Variants in NARS2 observed in about 807,000 individuals in gnomAD.
The protein encoded by NARS2 is asparaginyl-tRNA synthetase 2, mitochondrial.
In NARS2, 60 loss-of-function variants were observed where a neutral mutation model predicts 62.9. That is an observed-to-expected ratio of 0.95 (90% CI 0.77 to 1.18). The LOEUF is 1.18. Ranked by LOEUF, NARS2 falls within the 50% of genes most tolerant of loss-of-function variation. NARS2 has a pLI of 0.00. For missense variants in NARS2, 619 were observed against 576.4 expected (o/e 1.07, Z -0.76); for synonymous variants, 196 against 200.0 (o/e 0.98, Z 0.17).
At chr11:78,560,405 G>A (rs929871827) in intron 4 of NARS2, among the ~76,000 whole-genome samples, 1 of 152,198 alleles carries the variant, frequency 6.6e-6, no homozygotes, top group African/African-American at 2.4e-5. Flanking sequence ...TCAAGGTTAT[G>A]CTTCTTTCAT....
At chr11:78,549,309 G>A (rs1230664454) in intron 5 of NARS2, among the ~76,000 whole-genome samples, 1 of 152,242 alleles carries the variant, frequency 6.6e-6, no homozygotes, top group African/African-American at 2.4e-5. Flanking sequence ...GTCTTGTAGT[G>A]AGAATGATCC....
At chr11:78,437,954 GAC>G (rs1343950989) in intron 13 of NARS2, among the ~76,000 whole-genome samples, 1 of 115,634 alleles carries the variant, frequency 8.6e-6, no homozygotes, top group African/African-American at 3.5e-5. Context: ...CAGCCTGGGT[GAC>G]AGAGTGAGAT....
chr11:78,470,271 T>C (rs1347287720), intron 9 of NARS2, among the ~76,000 whole-genome samples: 2 of 152,188 alleles, frequency 1.3e-5, no homozygotes, highest in Non-Finnish European at 2.9e-5. Context: ...CAAGTATTTG[T>C]TTTAATTTAA....
At chr11:78,491,446 C>T (rs955204099) in intron 7 of NARS2, among the ~76,000 whole-genome samples, 3 of 152,244 alleles carry the variant, frequency 2.0e-5, no homozygotes, top group African/African-American at 7.2e-5. Context: ...TTACTAACTG[C>T]TGATGGTTTA....
Position 78,571,081 on chromosome 11 carries a change from G to A in NARS2, c.251+254C>T, listed in dbSNP as rs112900958. Among the ~76,000 whole-genome samples, 5,899 of 152,192 alleles carry A rather than the reference G, an allele frequency of 0.039. 389 individuals are homozygous for A. The highest frequency in any genetic ancestry group is 0.13 in the African/African-American group (5,591 of 41,510). On this transcript the variant is annotated intron_variant, in intron 2 of 13. Transcript: ENST00000281038. ...AAGAGCAGAACAGCTTAAGGGAGCC[G>A]CAGGTAATTAAGAAAGACTGAAGTG...
At chr11:78,531,133 G>GA (rs1861463463) in intron 5 of NARS2, among the ~76,000 whole-genome samples, 1 of 151,308 alleles carries the variant, frequency 6.6e-6, no homozygotes, top group Non-Finnish European at 1.5e-5. Context: ...AAAAATAAAA[G>GA]AAAAAAAATG....
Position 78,531,344 on chromosome 11 carries a change from A to G in NARS2, c.595-2408T>C, listed in dbSNP as rs988107388. Among the ~76,000 whole-genome samples the G allele has an allele frequency of 6.6e-5, 10 of 152,300 alleles. 1 individual carries two copies. In the East Asian group the frequency reaches 1.9e-3, roughly 29 times the overall value. ...TAATAGGCCATAAAACAGTCTCAAT[A>G]AATCTTAAAAAACTAAAATCACACA... On this transcript the variant is annotated intron_variant, in intron 5 of 13. Coordinates refer to ENST00000281038, the MANE Select transcript of NARS2 (RefSeq NM_024678.6).
At chr11:78,513,434 C>G (rs1332143765) in intron 6 of NARS2, among the ~76,000 whole-genome samples, 4 of 151,308 alleles carry the variant, frequency 2.6e-5, no homozygotes, top group Admixed American at 1.3e-4. Flanking sequence ...CCATCTTATT[C>G]TCTATCTCCA....
intron 11 of NARS2, among the ~76,000 whole-genome samples, chr11:78,447,493 G>A (rs932859510): frequency 4.6e-5 from 7 of 152,082 alleles, no homozygotes; most frequent in African/African-American, 1.7e-4. Flanking sequence ...TCCCACTTCT[G>A]GGTATATATA....
chr11:78,485,591 T>A (rs1163257532), intron 7 of NARS2, among the ~76,000 whole-genome samples: 1 of 152,192 alleles, frequency 6.6e-6, no homozygotes, highest in African/African-American at 2.4e-5. Context: ...TTGATCTGTT[T>A]AGTAGGCATA....
intron 6 of NARS2, among the ~76,000 whole-genome samples, chr11:78,512,972 G>A (rs764836999): frequency 3.9e-5 from 6 of 152,106 alleles, no homozygotes; most frequent in South Asian, 2.1e-4. Flanking sequence ...CAATTAGGCC[G>A]AGCACAGTGG....
chr11:78,513,835 G>A (rs924666784), intron 6 of NARS2, among the ~76,000 whole-genome samples: 1 of 152,098 alleles, frequency 6.6e-6, no homozygotes, highest in African/African-American at 2.4e-5. Context: ...GCTGGAGGTG[G>A]GGCCTTGTGG....
rs764254167 is a variant in NARS2, at chr11:78,468,310, G to GAAA, written c.1026+934_1026+936dup. Among the ~76,000 whole-genome samples, 51 of 67,428 alleles carry GAAA rather than the reference G, an allele frequency of 7.6e-4. 1 individual carries two copies. Among genetic ancestry groups the GAAA allele is most frequent in the African/African-American group, 2.5e-3 (42 of 17,066 alleles). 44.2% of individuals were successfully genotyped at this position (67,428 alleles called of 152,430 possible). A position where few individuals can be genotyped will look rare whatever the true frequency, so the allele number is the denominator to read the frequency against. On this transcript the variant is annotated intron_variant, in intron 10 of 13. Coordinates refer to ENST00000281038, the MANE Select transcript of NARS2 (RefSeq NM_024678.6). ...ACCTGCTTCTGCAAGCACTAAATCT[G>GAAA]AAAAAAAAAAAAAAAAAAGAAAAAA...
At chr11:78,481,224 A>C (rs1455929244) in intron 7 of NARS2, among the ~76,000 whole-genome samples, 2 of 152,204 alleles carry the variant, frequency 1.3e-5, no homozygotes, top group East Asian at 1.9e-4. Context: ...AAAATAAAGA[A>C]AACCACATGA....
chr11:78,552,304 G>A (rs1041986823), intron 5 of NARS2, among the ~76,000 whole-genome samples: 9 of 152,118 alleles, frequency 5.9e-5, no homozygotes, highest in African/African-American at 1.4e-4. Context: ...TTCCATCCAC[G>A]TTCCCCCAAG....
intron 4 of NARS2, among the ~76,000 whole-genome samples, chr11:78,565,220 C>T (rs1856704124): frequency 6.6e-6 from 1 of 152,124 alleles, no homozygotes; most frequent in Admixed American, 6.6e-5. Context: ...TGTCCTTAGT[C>T]ATTAGATAGA....
chr11:78,540,561 T>C (rs1855572017), intron 5 of NARS2, among the ~76,000 whole-genome samples: 1 of 152,242 alleles, frequency 6.6e-6, no homozygotes, highest in Non-Finnish European at 1.5e-5. Context: ...TTCTACTTTG[T>C]ACCCTACCCC....
chr11:78,555,842 C>A (rs1362662395), intron 5 of NARS2, among the ~76,000 whole-genome samples: 1 of 152,176 alleles, frequency 6.6e-6, no homozygotes, highest in African/African-American at 2.4e-5. Context: ...CCTCTGAACA[C>A]TGCCTTACTT....
At chr11:78,500,747 CCAA>C (rs1224503854) in intron 6 of NARS2, among the ~76,000 whole-genome samples, 1 of 152,184 alleles carries the variant, frequency 6.6e-6, no homozygotes, top group African/African-American at 2.4e-5. Flanking sequence ...GTTGTATCTA[CCAA>C]CGTTTACTAC....
Sources: gnomAD v4.1 joint callset for allele counts (sites outside exome capture counted in the v4.1 genomes callset) on GRCh38, gnomAD v4.1.1 for gene constraint, MANE v1.5 for transcripts, NCBI Gene and HGNC (gene_info 2026-07-23, HGNC 2026-07-21) for gene names.